Variants in NKAIN4 observed in about 807,000 individuals in gnomAD.
The protein encoded by NKAIN4 is sodium/potassium transporting ATPase interacting 4, also known as sodium/potassium-transporting ATPase subunit beta-1-interacting protein 4.
A neutral mutation model predicts 28.8 loss-of-function variants in NKAIN4; 28 were observed. The ratio of observed to expected loss-of-function variants is 0.97; its 90% CI spans 0.72 to 1.33. NKAIN4 has a LOEUF of 1.33. Among genes scored for constraint, NKAIN4 ranks in the 40% most tolerant of loss-of-function variants. The probability of loss-of-function intolerance (pLI) is 0.00; values close to 1 mark genes in which losing one functional copy is unlikely to be tolerated. For missense variants in NKAIN4, 289 were observed against 277.2 expected, an observed-to-expected ratio of 1.04 and a Z score of -0.30; for synonymous variants, 122 against 115.6, an observed-to-expected ratio of 1.06 and a Z score of -0.36.
Position 63,252,953 on chromosome 20 carries a change from G to C in NKAIN4, c.54+1444C>G, listed in dbSNP as rs2066986575. 6.6e-6 allele frequency among the ~76,000 whole-genome samples: 1 copy of C among 152,098 alleles called. No homozygotes were observed. On this transcript the variant is annotated intron_variant, in intron 1 of 6. Transcript: ENST00000370316. The surrounding 1 kb of genome is among the most constrained non-coding windows in gnomAD (Gnocchi z 4.6). ...CCAAACCCCAGCACCATCAACCCCAGCACATCCTCACACCACCTTCAACAG... is the reference window on the plus strand; with the variant it reads ...CCAAACCCCAGCACCATCAACCCCACCACATCCTCACACCACCTTCAACAG...
At chr20:63,247,137 C>A in intron 4 of NKAIN4, 3 of 1,063,654 alleles carry the variant, frequency 2.8e-6, no homozygotes, top group Non-Finnish European at 2.3e-6. Context: ...GGCTTCTTGC[C>A]AGCCCAGCCT....
intron 5 of NKAIN4, chr20:63,243,768 C>T (rs2066804942): frequency 2.4e-6 from 1 of 415,548 alleles, no homozygotes; most frequent in Non-Finnish European, 4.4e-6. Flanking sequence ...TGAGGGCAGG[C>T]CCAGCCCAAA....
chr20:63,241,756 G>T (rs2066755758), intron 6 of NKAIN4: 1 of 670,258 alleles, frequency 1.5e-6, no homozygotes, highest in Non-Finnish European at 2.8e-6. Flanking sequence ...TGTGGGGCTG[G>T]GAGTGGAGAG....
chr20:63,250,125 C>A, intron 1 of NKAIN4, 53 bp from the exon 2 acceptor site: 1 of 1,514,860 alleles, frequency 6.6e-7, no homozygotes. Context: ...GCCCCAGGCC[C>A]GCCAGCCAGG....
chr20:63,248,226 C>G, intron 3 of NKAIN4: 1 of 173,140 alleles, frequency 5.8e-6, no homozygotes. Context: ...CAGAGAGCCC[C>G]TGGGGGAGAC....
intron 5 of NKAIN4, chr20:63,243,805 A>G (rs2066805668): frequency 2.0e-6 from 1 of 490,908 alleles, no homozygotes; most frequent in Non-Finnish European, 3.7e-6. Context: ...ACCGGGGGGC[A>G]GCTGACCCCT....
At chr20:63,251,064 T>A (rs796087326) in intron 1 of NKAIN4, among the ~76,000 whole-genome samples, 7 of 150,882 alleles carry the variant, frequency 4.6e-5, no homozygotes, top group African/African-American at 1.7e-4. Context: ...AAGGGCAGGG[T>A]AAGGAGTGTG....
intron 3 of NKAIN4, chr20:63,248,136 G>A (rs936972314): frequency 2.0e-5 from 4 of 200,364 alleles, no homozygotes; most frequent in African/African-American, 9.3e-5. Flanking sequence ...TGCAGCCCCA[G>A]GTGTGGTTCC....
chr20:63,250,098 G>A (rs1224069310), intron 1 of NKAIN4, 26 bp from the exon 2 acceptor site: 1 of 1,543,384 alleles, frequency 6.5e-7, no homozygotes, highest in African/African-American at 1.4e-5. Context: ...GCGCCATGAA[G>A]GGTGGACCCG....
intron 5 of NKAIN4, 77 bp from the exon 6 acceptor site, chr20:63,242,700 A>G: frequency 9.7e-7 from 1 of 1,028,014 alleles, no homozygotes; most frequent in Non-Finnish European, 1.4e-6. Context: ...AAGCCCAACC[A>G]GACAAAGAAG....
chr20:63,254,169 C>T (rs2067011341), intron 1 of NKAIN4: 2 of 429,958 alleles, frequency 4.7e-6, no homozygotes, highest in African/African-American at 2.1e-5. Context: ...CCCGCGGCCG[C>T]CCCCCGCGCA....
In NKAIN4 at chr20:63,245,919, C is replaced by A. The variant is rs1340467605; in HGVS notation, c.471+1659G>T. ...CCCTCCGAGAGACTCTTCATTCATTCCCCTCAAGCTTCCTTTTTTTTTTTT... is the reference window on the plus strand; with the variant it reads ...CCCTCCGAGAGACTCTTCATTCATTACCCTCAAGCTTCCTTTTTTTTTTTT... On this transcript the variant is annotated intron_variant, in intron 4 of 6. Coordinates refer to ENST00000370316, the MANE Select transcript of NKAIN4 (RefSeq NM_152864.4). This position sits in a 1 kb window ranked among gnomAD's most constrained non-coding sequence, Gnocchi z 4.7. 1.3e-5 allele frequency among the ~76,000 whole-genome samples: 2 copies of A among 150,222 alleles called. No homozygotes were observed. Among genetic ancestry groups the A allele is most frequent in the African/African-American group, 5.0e-5 (2 of 40,214 alleles).
chr20:63,246,953 T>C (rs1242528665), intron 4 of NKAIN4: 2 of 986,938 alleles, frequency 2.0e-6, no homozygotes, highest in East Asian at 1.1e-4. Flanking sequence ...TCGTAGCCCC[T>C]GTTCTCTACC....
chr20:63,247,874 A>C, intron 3 of NKAIN4, 99 bp from the exon 4 acceptor site: 1 of 1,382,872 alleles, frequency 7.2e-7, no homozygotes, highest in Non-Finnish European at 9.4e-7. Flanking sequence ...AGGCAAGGGG[A>C]GGTCCTGTCC....
intron 2 of NKAIN4, 24 bp from the exon 3 acceptor site, chr20:63,248,919 GGCA>G: frequency 6.4e-7 from 1 of 1,563,838 alleles, no homozygotes; most frequent in Non-Finnish European, 8.8e-7. Context: ...AGGATGGGGC[GGCA>G]GCTGAACACA....
At chr20:63,243,537 C>T (rs59489530) in intron 5 of NKAIN4, among the ~76,000 whole-genome samples, 42 of 152,306 alleles carry the variant, frequency 2.8e-4, no homozygotes, top group African/African-American at 9.1e-4. Context: ...CCAGCGAGGG[C>T]GCCTGAGTGT....
Position 63,247,551 on chromosome 20 carries a change from C to T in NKAIN4, c.471+27G>A. ...CCCCTCCCCCATCAACCCATCCCCA[C>T]CCGGGGGCCCCCTTCCCCACGCTCA... On this transcript the variant is annotated intron_variant, in intron 4 of 6. Coordinates refer to ENST00000370316, the MANE Select transcript of NKAIN4 (RefSeq NM_152864.4). 1.9e-6 allele frequency: 3 copies of T among 1,546,408 alleles called. No homozygotes were observed. In the South Asian group the frequency reaches 3.6e-5, roughly 19 times the overall value.
In NKAIN4 at chr20:63,241,123, G is replaced by A. The variant is rs564865008; in HGVS notation, c.*374C>T. ...ATCCCAGCAGCAGTGCTTGCAGCCCGAGGGTCCAGCAGCCCCAGGTGGGCA... is the reference window on the plus strand; with the variant it reads ...ATCCCAGCAGCAGTGCTTGCAGCCCAAGGGTCCAGCAGCCCCAGGTGGGCA... On this transcript the variant is annotated 3_prime_UTR_variant, in exon 7 of 7. Transcript: ENST00000370316. 12 of 269,924 alleles carry A rather than the reference G, an allele frequency of 4.4e-5. No homozygotes were observed. In the East Asian group the frequency reaches 1.1e-3, roughly 25 times the overall value. The allele number at this position is 269,924 out of a possible 1,614,324, so 16.7% of individuals were successfully genotyped here. A position where few individuals can be genotyped will look rare whatever the true frequency, so the allele number is the denominator to read the frequency against.
rs116581887 is a variant in NKAIN4, at chr20:63,252,841, C to A, written c.54+1556G>T. Among the ~76,000 whole-genome samples, 7,098 of 152,290 alleles carry A rather than the reference C, an allele frequency of 0.047. 338 individuals are homozygous for A. The highest frequency in any genetic ancestry group is 0.13 in the African/African-American group (5,215 of 41,538). On this transcript the variant is annotated intron_variant, in intron 1 of 6. Coordinates refer to ENST00000370316, the MANE Select transcript of NKAIN4 (RefSeq NM_152864.4). This position sits in a 1 kb window ranked among gnomAD's most constrained non-coding sequence, Gnocchi z 4.6. ...GAGGTGAAACGGGAACATGACCCCACCCGCCCCTCTGCACCCTGAGGTCAC... is the reference window on the plus strand; with the variant it reads ...GAGGTGAAACGGGAACATGACCCCAACCGCCCCTCTGCACCCTGAGGTCAC...
Sources: gnomAD v4.1 joint callset for allele counts (sites outside exome capture counted in the v4.1 genomes callset) on GRCh38, gnomAD v4.1.1 for gene constraint, Gnocchi (gnomAD v3.1) non-coding constraint, MANE v1.5 for transcripts, NCBI Gene and HGNC (gene_info 2026-07-23, HGNC 2026-07-21) for gene names.